The following SARS1 variants were observed in gnomAD, a reference collection of about 807,000 sequenced individuals.
SARS1 encodes serine--tRNA ligase, cytoplasmic.
In SARS1, 25 loss-of-function variants were observed where a neutral mutation model predicts 63.7. The observed-to-expected ratio is 0.39, with a 90% confidence interval of 0.29 to 0.55. The LOEUF (loss-of-function observed/expected upper bound fraction) is 0.55, where lower values mean the gene tolerates loss of function less well. Among genes scored for constraint, SARS1 ranks in the 20% least tolerant of loss-of-function variants. SARS1 has a pLI of 0.62. For synonymous variants in SARS1, 231 were observed against 243.5 expected (o/e 0.95, Z 0.48); for missense variants, 417 against 649.7 (o/e 0.64, Z 3.89).
At chr1:109,219,335 C>CTATATATATA (rs112352590) in intron 1 of SARS1, among the ~76,000 whole-genome samples, 81 of 127,304 alleles carry the variant, frequency 6.4e-4, no homozygotes, top group South Asian at 1.3e-3. Context: ...TATATACACA[C>CTATATATATA]TATATATATA....
At chr1:109,221,554 G>A (rs1289907338) in intron 1 of SARS1, among the ~76,000 whole-genome samples, 1 of 152,160 alleles carries the variant, frequency 6.6e-6, no homozygotes, top group African/African-American at 2.4e-5. Flanking sequence ...TGTGTATGCA[G>A]AATCTGAACT....
intron 1 of SARS1, among the ~76,000 whole-genome samples, chr1:109,217,461 A>G (rs914420104): frequency 6.6e-6 from 1 of 151,750 alleles, no homozygotes; most frequent in Non-Finnish European, 1.5e-5. Context: ...TATCCAATAT[A>G]AAAAATATAA....
rs1655288674 is a variant in SARS1 at position 109,235,439 on chromosome 1, G to T, written c.969+8G>T. On this transcript the variant is annotated splice_region_variant and intron_variant, in intron 7 of 10. Transcript: ENST00000234677. This position sits in a 1 kb window ranked among gnomAD's most constrained non-coding sequence, Gnocchi z 4.7. ...GTCCATCAGTTTGAGAAGGTGAGTAGATGGGTCAGGGTAAGGAGTGGAACT... is the reference window on the plus strand; with the variant it reads ...GTCCATCAGTTTGAGAAGGTGAGTATATGGGTCAGGGTAAGGAGTGGAACT... 1.2e-6 allele frequency: 2 copies of T among 1,607,378 alleles called. No individual in the cohort carries two copies. Among genetic ancestry groups the T allele is most frequent in the Non-Finnish European group, 1.7e-6 (2 of 1,177,234 alleles).
chr1:109,231,853 A>G lies in SARS1; in HGVS notation c.747+67A>G. 3 of 1,327,260 alleles carry G rather than the reference A, an allele frequency of 2.3e-6. No individual in the cohort carries two copies. The South Asian group carries it at 5.8e-5, about 26-fold the overall frequency. The allele number at this position is 1,327,260 out of a possible 1,614,324, so 82.2% of individuals were successfully genotyped here. ...ATGTAGCTTAACTTCAGTGATGCAG[A>G]GTGGTGCTGTCCAATAGGACTTTCT... On this transcript the variant is annotated intron_variant, in intron 6 of 10. Coordinates refer to ENST00000234677, the MANE Select transcript of SARS1 (RefSeq NM_006513.4).
At position 109,235,886 on chromosome 1, in the gene SARS1, G is replaced by A. The variant is rs556242897; in HGVS notation, c.970-91G>A. 7 of 1,310,138 alleles carry A rather than the reference G, an allele frequency of 5.3e-6. No individual in the cohort carries two copies. The South Asian group carries it at 1.0e-4, about 19-fold the overall frequency. The allele number at this position is 1,310,138 out of a possible 1,614,324, so 81.2% of individuals were successfully genotyped here. The stretch of plus-strand genomic sequence containing the variant: ...GACTTGCCTGCCTCCCAGTGGTGTG[G>A]AAACAGGTCTTCATGGCAAGGATGT... On this transcript the variant is annotated intron_variant, in intron 7 of 10. Transcript: ENST00000234677. This position sits in a 1 kb window ranked among gnomAD's most constrained non-coding sequence, Gnocchi z 4.7.
chr1:109,229,115 C>CA (rs1228517689), intron 3 of SARS1, among the ~76,000 whole-genome samples: 2 of 152,178 alleles, frequency 1.3e-5, no homozygotes, highest in Non-Finnish European at 2.9e-5. Flanking sequence ...GGAAAGTTCT[C>CA]ATAAGAGAGC....
intron 1 of SARS1, among the ~76,000 whole-genome samples, chr1:109,222,172 T>C (rs1466371401): frequency 1.3e-5 from 2 of 151,112 alleles, no homozygotes; most frequent in African/African-American, 4.9e-5. Flanking sequence ...CCTTATTTTC[T>C]TTTATACTCC....
Position 109,216,046 on chromosome 1 carries a change from A to G in SARS1, c.136+1918A>G, listed in dbSNP as rs950570052. ...GCATCTATTAATTTGATTCTTTTCTATTTGACAACCCTTTCCAATATTCTC... is the reference window on the plus strand; with the variant it reads ...GCATCTATTAATTTGATTCTTTTCTGTTTGACAACCCTTTCCAATATTCTC... On this transcript the variant is annotated intron_variant, in intron 1 of 10. Transcript: ENST00000234677. 8 of 985,308 alleles carry G rather than the reference A, an allele frequency of 8.1e-6. No individual in the cohort carries two copies. In the African/African-American group the frequency reaches 1.0e-4, roughly 13 times the overall value. 61.0% of individuals were successfully genotyped at this position (985,308 alleles called of 1,614,324 possible). A position where few individuals can be genotyped will look rare whatever the true frequency, so the allele number is the denominator to read the frequency against.
intron 2 of SARS1, among the ~76,000 whole-genome samples, chr1:109,227,104 C>T (rs1228989875): frequency 6.6e-6 from 1 of 150,964 alleles, no homozygotes; most frequent in African/African-American, 2.4e-5. Context: ...AAGCAAGTCT[C>T]CTGCTTCAGC....
intron 2 of SARS1, among the ~76,000 whole-genome samples, chr1:109,227,054 G>A (rs536128538): frequency 6.8e-6 from 1 of 146,220 alleles, no homozygotes; most frequent in Non-Finnish European, 1.5e-5. Context: ...GGAGTGCAGT[G>A]GTGTGATCTC....
Position 109,214,912 on chromosome 1 carries a change from C to G in SARS1, c.136+784C>G. The G allele has an allele frequency of 1.0e-6, 1 of 985,454 alleles. No homozygotes were observed. Among genetic ancestry groups the G allele is most frequent in the Non-Finnish European group, 1.2e-6 (1 of 829,938 alleles). 61.0% of individuals were successfully genotyped at this position (985,454 alleles called of 1,614,324 possible). ...ATGAAGCCGAATAAAACCATAGAACCATCTGCCCATAAATCTCTGCCTGTA... is the reference window on the plus strand; with the variant it reads ...ATGAAGCCGAATAAAACCATAGAACGATCTGCCCATAAATCTCTGCCTGTA... On this transcript the variant is annotated intron_variant, in intron 1 of 10. Coordinates refer to ENST00000234677, the MANE Select transcript of SARS1 (RefSeq NM_006513.4). This position sits in a 1 kb window ranked among gnomAD's most constrained non-coding sequence, Gnocchi z 4.6.
intron 1 of SARS1, chr1:109,216,193 T>C: frequency 1.0e-6 from 1 of 985,410 alleles, no homozygotes. Context: ...GGAGTTCTTC[T>C]CTCATTGCCT....
chr1:109,216,082 A>G (rs1254813296), intron 1 of SARS1: 9 of 985,230 alleles, frequency 9.1e-6, no homozygotes, highest in Non-Finnish European at 1.1e-5. Flanking sequence ...TTTGCATCCA[A>G]ATGGAATTTA....
intron 1 of SARS1, among the ~76,000 whole-genome samples, chr1:109,219,262 C>CATATATATATATAT (rs142272817): frequency 0.024 from 1,810 of 76,512 alleles, 83 homozygotes; most frequent in Middle Eastern, 0.038. Context: ...CAAGACTCTC[C>CATATATATATATAT]ATATATATAT....
At chr1:109,218,193 C>T (rs1387597834) in intron 1 of SARS1, among the ~76,000 whole-genome samples, 1 of 39,766 alleles carries the variant, frequency 2.5e-5, no homozygotes, top group African/African-American at 1.0e-4. Context: ...ACTCTGTCTC[C>T]AAAAAAAAAA....
At chr1:109,215,483 A>C (rs1332762606) in intron 1 of SARS1, 3 of 984,804 alleles carry the variant, frequency 3.0e-6, no homozygotes, top group African/African-American at 3.5e-5. Flanking sequence ...AATTTTATTC[A>C]TACAGTATAT....
At chr1:109,215,204 A>G in intron 1 of SARS1, 4 of 985,430 alleles carry the variant, frequency 4.1e-6, no homozygotes, top group Non-Finnish European at 4.8e-6. Flanking sequence ...AGTTTGTTTG[A>G]TTGTGAGATT....
At position 109,236,376 on chromosome 1, in the gene SARS1, G is replaced by A; in HGVS notation, c.1100-15G>A. 4.4e-6 allele frequency: 7 copies of A among 1,584,170 alleles called. No individual in the cohort carries two copies. Among genetic ancestry groups the A allele is most frequent in the Non-Finnish European group, 6.0e-6 (7 of 1,157,798 alleles). ...CCATCCCTCCTTCATGAATTCTAGGGGTTTTTCCTTACAGGTTCTTTGAAT... is the reference window on the plus strand; with the variant it reads ...CCATCCCTCCTTCATGAATTCTAGGAGTTTTTCCTTACAGGTTCTTTGAAT... On this transcript the variant is annotated splice_polypyrimidine_tract_variant and intron_variant, in intron 8 of 10. Coordinates refer to ENST00000234677, the MANE Select transcript of SARS1 (RefSeq NM_006513.4).
chr1:109,213,951 G>A lies in SARS1; in HGVS notation c.-42G>A, dbSNP rs768985719. 3.1e-5 allele frequency: 48 copies of A among 1,573,044 alleles called. No homozygotes were observed. Among genetic ancestry groups the A allele is most frequent in the Middle Eastern group, 1.8e-4 (1 of 5,706 alleles). The stretch of plus-strand genomic sequence containing the variant: ...GCGGTCACAGGCTGAGTGCTGCGGC[G>A]CGATCCTTGCTTCCCTGAGCGTTGG... On this transcript the variant is annotated 5_prime_UTR_variant, in exon 1 of 11. Transcript: ENST00000234677.
Sources: allele counts gnomAD v4.1 joint callset (sites outside exome capture counted in the v4.1 genomes callset), GRCh38; gene constraint gnomAD v4.1.1; non-coding constraint Gnocchi (gnomAD v3.1); transcripts MANE v1.5; gene names NCBI Gene and HGNC (gene_info 2026-07-23, HGNC 2026-07-21).